Variants in FER observed in about 807,000 individuals in gnomAD.
FER encodes tyrosine-protein kinase Fer.
A neutral mutation model predicts 111.0 loss-of-function variants in FER; 63 were observed. The ratio of observed to expected loss-of-function variants is 0.57; its 90% CI spans 0.46 to 0.70. The LOEUF is 0.70. Among genes scored for constraint, FER ranks in the 30% least tolerant of loss-of-function variants. The probability of loss-of-function intolerance (pLI) is 0.00; values close to 1 mark genes in which losing one functional copy is unlikely to be tolerated. For missense variants in FER, 914 were observed against 954.0 expected, an observed-to-expected ratio of 0.96 and a Z score of 0.55; for synonymous variants, 327 against 313.9, an observed-to-expected ratio of 1.04 and a Z score of -0.44.
chr5:108,773,580 T>A (rs1374587997), intron 2 of FER, among the ~76,000 whole-genome samples: 2 of 152,188 alleles, frequency 1.3e-5, no homozygotes, highest in Admixed American at 6.5e-5. Context: ...CACTTTTTTT[T>A]AATCCATTCT....
intron 1 of FER, among the ~76,000 whole-genome samples, chr5:108,751,450 CAA>C (rs1009385089): frequency 6.6e-6 from 1 of 152,046 alleles, no homozygotes; most frequent in African/African-American, 2.4e-5. Flanking sequence ...GGTAATCAGA[CAA>C]AAGGAAATCT....
chr5:109,108,387 A>G (rs952733857), intron 17 of FER, among the ~76,000 whole-genome samples: 2 of 152,204 alleles, frequency 1.3e-5, no homozygotes, highest in East Asian at 1.9e-4. Context: ...GATCAGCCAT[A>G]TGGATATCCC....
intron 17 of FER, among the ~76,000 whole-genome samples, chr5:109,137,095 G>C (rs2126610521): frequency 6.7e-6 from 1 of 149,400 alleles, no homozygotes; most frequent in Admixed American, 6.7e-5. Flanking sequence ...GTTGTGTCTT[G>C]ATGTCAGTGG....
chr5:109,100,176 T>A (rs1205252092), intron 16 of FER, among the ~76,000 whole-genome samples: 2 of 151,762 alleles, frequency 1.3e-5, no homozygotes, highest in African/African-American at 4.8e-5. Context: ...ACACTTAAAG[T>A]ACTTAAACGG....
chr5:108,785,098 T>C lies in FER; in HGVS notation c.-59-13026T>C, dbSNP rs879230548. The C allele has an allele frequency of 4.4e-6, 2 of 453,874 alleles. 1 individual carries two copies. 28.1% of individuals were successfully genotyped at this position (453,874 alleles called of 1,614,324 possible). On this transcript the variant is annotated intron_variant, in intron 2 of 19. Transcript: ENST00000281092. ...TGCCTAACAGCAGCAACCCTATCAC[T>C]GTCTCCTGTAGCTGGGACAAGCTGG... is the stretch of plus-strand genomic sequence containing the variant.
intron 17 of FER, among the ~76,000 whole-genome samples, chr5:109,160,490 C>T (rs566964709): frequency 6.6e-5 from 10 of 152,262 alleles, no homozygotes; most frequent in African/African-American, 2.2e-4. Context: ...AGCATCCAGT[C>T]GTAACTTGCT....
At chr5:108,805,746 G>A (rs887357795) in intron 3 of FER, among the ~76,000 whole-genome samples, 4 of 152,262 alleles carry the variant, frequency 2.6e-5, no homozygotes, top group Non-Finnish European at 4.4e-5. Context: ...TGAGAGAGAT[G>A]ATTTAGGGTA....
At chr5:109,121,964 T>C (rs1249743247) in intron 17 of FER, among the ~76,000 whole-genome samples, 1 of 152,118 alleles carries the variant, frequency 6.6e-6, no homozygotes, top group Non-Finnish European at 1.5e-5. Context: ...TTTTCAATTT[T>C]ATTTGTGTCT....
intron 13 of FER, among the ~76,000 whole-genome samples, chr5:108,972,168 G>C (rs1293664871): frequency 1.3e-5 from 2 of 151,874 alleles, no homozygotes; most frequent in Non-Finnish European, 2.9e-5. Flanking sequence ...GATTATTAGT[G>C]TTTGTACTTC....
Position 108,866,442 on chromosome 5 carries a change from G to T in FER, c.482-1325G>T, listed in dbSNP as rs910003930. On this transcript the variant is annotated intron_variant, in intron 5 of 19. Coordinates refer to ENST00000281092, the MANE Select transcript of FER (RefSeq NM_005246.4). ...ACACACCAAGGACTGTTGTGGGATG[G>T]GGGGAAGGGGGAGTGATAGCCTTAG... Among the ~76,000 whole-genome samples the T allele has an allele frequency of 3.3e-5, 5 of 152,066 alleles. No homozygotes were observed. The South Asian group carries it at 6.2e-4, about 19-fold the overall frequency.
chr5:109,120,102 G>C (rs1334629041), intron 17 of FER, among the ~76,000 whole-genome samples: 1 of 152,040 alleles, frequency 6.6e-6, no homozygotes, highest in African/African-American at 2.4e-5. Flanking sequence ...CTGTGCAGAA[G>C]CTTTTTAACT....
At chr5:109,135,573 C>A (rs1752797005) in intron 17 of FER, among the ~76,000 whole-genome samples, 1 of 152,100 alleles carries the variant, frequency 6.6e-6, no homozygotes, top group Non-Finnish European at 1.5e-5. Flanking sequence ...ACAGATGGAA[C>A]CCTGGAAAGG....
chr5:108,991,420 A>G (rs1763161370), intron 13 of FER, among the ~76,000 whole-genome samples: 1 of 152,062 alleles, frequency 6.6e-6, no homozygotes, highest in South Asian at 2.1e-4. Context: ...TTAACACTCA[A>G]ATTACTGAAA....
intron 17 of FER, among the ~76,000 whole-genome samples, chr5:109,110,450 CAG>C (rs1050681893): frequency 6.6e-6 from 1 of 151,950 alleles, no homozygotes; most frequent in South Asian, 2.1e-4. Context: ...AGAACAGAGA[CAG>C]GGGCATGCTA....
At chr5:109,110,823 A>C (rs1249724468) in intron 17 of FER, among the ~76,000 whole-genome samples, 1 of 152,080 alleles carries the variant, frequency 6.6e-6, no homozygotes, top group Non-Finnish European at 1.5e-5. Context: ...GTATTACTCC[A>C]TCAAACTGTA....
chr5:108,877,414 G>A (rs933579300), intron 8 of FER, among the ~76,000 whole-genome samples: 1 of 152,100 alleles, frequency 6.6e-6, no homozygotes, highest in African/African-American at 2.4e-5. Flanking sequence ...GATTGGAGGT[G>A]GATTAAGTGG....
chr5:109,183,196 G>T (rs193009609), intron 18 of FER, among the ~76,000 whole-genome samples: 1 of 149,436 alleles, frequency 6.7e-6, no homozygotes, highest in African/African-American at 2.5e-5. Context: ...ACCCAGAGAA[G>T]TTTAGTTCCC....
At chr5:109,129,993 T>G (rs1752186101) in intron 17 of FER, among the ~76,000 whole-genome samples, 1 of 151,696 alleles carries the variant, frequency 6.6e-6, no homozygotes, top group African/African-American at 2.4e-5. Flanking sequence ...TTTATAAAAA[T>G]AAATTTGCAT....
intron 8 of FER, among the ~76,000 whole-genome samples, chr5:108,878,286 T>C (rs1489719176): frequency 1.3e-5 from 2 of 152,168 alleles, no homozygotes; most frequent in African/African-American, 4.8e-5. Context: ...TATAAAATCT[T>C]ACAAAAAGGT....
Sources: gnomAD v4.1 joint callset for allele counts (sites outside exome capture counted in the v4.1 genomes callset) on GRCh38, gnomAD v4.1.1 for gene constraint, MANE v1.5 for transcripts, NCBI Gene and HGNC (gene_info 2026-07-23, HGNC 2026-07-21) for gene names.